The following HSPA4L variants were observed in gnomAD, a reference collection of about 807,000 sequenced individuals.
HSPA4L encodes heat shock 70 kDa protein 4L.
In HSPA4L, 48 loss-of-function variants were observed where a neutral mutation model predicts 100.3. The observed-to-expected ratio is 0.48, with a 90% CI of 0.38 to 0.61. The LOEUF is 0.61. Ranked by LOEUF, HSPA4L falls within the 20% of genes least tolerant of loss-of-function variation. The pLI, the probability that HSPA4L is intolerant of heterozygous loss-of-function variation, is 0.00. For missense variants in HSPA4L, 886 were observed against 988.6 expected (o/e 0.90, Z 1.39); for synonymous variants, 319 against 328.2 (o/e 0.97, Z 0.30).
intron 2 of HSPA4L, 129 bp downstream of exon 2, chr4:127,794,263 G>T: frequency 1.9e-6 from 1 of 522,700 alleles, no homozygotes; most frequent in Non-Finnish European, 3.3e-6. Flanking sequence ...CTACATCTTT[G>T]TTTTGTTTTG....
rs1413566150 is a variant in HSPA4L at position 127,794,143 on chromosome 4, T to C, written c.165+9T>C. The C allele has an allele frequency of 6.2e-7, 1 of 1,606,384 alleles. No individual in the cohort carries two copies. Among genetic ancestry groups the C allele is most frequent in the Admixed American group, 1.7e-5 (1 of 59,756 alleles). On this transcript the variant is annotated intron_variant, in intron 2 of 18. Transcript: ENST00000296464. ...ATGCAGCAAAGAGCCAGGTAAATTG[T>C]TAATGTGGATGTTTTGACTTACAGG...
chr4:127,793,751 T>A (rs1732939974), intron 1 of HSPA4L, among the ~76,000 whole-genome samples: 1 of 152,172 alleles, frequency 6.6e-6, no homozygotes, highest in African/African-American at 2.4e-5. Flanking sequence ...TTTTAACTGT[T>A]TACCTTCCCT....
chr4:127,783,545 T>C (rs1033571988), intron 1 of HSPA4L: 24 of 1,518,588 alleles, frequency 1.6e-5, no homozygotes, highest in Non-Finnish European at 2.1e-5. Flanking sequence ...TTCTCTGGCC[T>C]GGGAAGTTTG....
Position 127,827,371 on chromosome 4 carries a change from T to G in HSPA4L, c.2113T>G (p.Leu705Val). The G allele has an allele frequency of 6.2e-7, 1 of 1,613,674 alleles. No homozygotes were observed. The highest frequency in any genetic ancestry group is 8.5e-7 in the Non-Finnish European group (1 of 1,179,676). The change falls in exon 17 of 19, where the codon TTG becomes GTG. Residue 705 changes from leucine (L) to valine (V), a missense_variant. Leu to Val is a conservative substitution (Grantham distance 32). Coordinates refer to ENST00000296464, the MANE Select transcript of HSPA4L (RefSeq NM_014278.4). ...AGAGAGACCAAAAGCCTTAAATGACTTGGGAAAAAAGATCCAACTTGTCAT... is the reference window on the plus strand; with the variant it reads ...AGAGAGACCAAAAGCCTTAAATGACGTGGGAAAAAAGATCCAACTTGTCAT... ...HEERPKALNDLGKKIQLVMKV... is the reference protein window; with the variant it reads ...HEERPKALNDVGKKIQLVMKV...
intron 6 of HSPA4L, among the ~76,000 whole-genome samples, chr4:127,803,112 G>GTTGGTTGGTTTTTTC (rs1733240151): frequency 1.3e-5 from 2 of 151,774 alleles, no homozygotes; most frequent in Non-Finnish European, 2.9e-5. Context: ...TTGGTTTTTT[G>GTTGGTTGGTTTTTTC]GTTGTGTTTT....
chr4:127,805,044 C>T, intron 8 of HSPA4L, 29 bp from the exon 9 acceptor site: 1 of 1,492,502 alleles, frequency 6.7e-7, no homozygotes, highest in South Asian at 1.3e-5. Flanking sequence ...TAAAGACTAT[C>T]ATTTTTCTCA....
In HSPA4L at chr4:127,832,736, A is replaced by C; in HGVS notation, c.2382A>C (p.Glu794Asp). Residue 794 changes from glutamate (E) to aspartate (D), a missense_variant, in exon 19 of 19, where the codon GAA (glutamate) becomes GAC (aspartate). Transcript: ENST00000296464. The stretch of plus-strand genomic sequence containing the variant: ...TTTACAAGCCCAAACCAAAAGCAGA[A>C]GTTCCTGAAGACAAACCAAAAGCTA... ...PIIYKPKPKA[E>D]VPEDKPKANS... 1.9e-6 allele frequency: 3 copies of C among 1,613,402 alleles called. No individual in the cohort carries two copies. Among genetic ancestry groups the C allele is most frequent in the Non-Finnish European group, 2.5e-6 (3 of 1,179,618 alleles).
rs532163574 is a variant in HSPA4L at position 127,828,908 on chromosome 4, A to C, written c.2166+1484A>C. 1.0e-3 allele frequency among the ~76,000 whole-genome samples: 157 copies of C among 152,282 alleles called. 1 individual carries two copies. In the South Asian group the frequency reaches 0.019, roughly 19 times the overall value. ...ACAAGGCAAGACTTCACTTTTGCTC[A>C]AACATTTGAGTTTTTATTATGTGCT... On this transcript the variant is annotated intron_variant, in intron 17 of 18. Transcript: ENST00000296464.
Position 127,808,103 on chromosome 4 carries a change from A to G in HSPA4L, c.1352A>G (p.Glu451Gly), listed in dbSNP as rs760776765. The change falls in exon 11 of 19, where the codon GAA (glutamate) becomes GGA (glycine). Residue 451 changes from glutamate (E) to glycine (G), a missense_variant. Coordinates refer to ENST00000296464, the MANE Select transcript of HSPA4L (RefSeq NM_014278.4). ...GAAGCATTTTATACTAATTTACATG[A>G]AGTGCCTTATCCTGATGCAAGAATT... Reference protein sequence around the residue: ...ELEAFYTNLHEVPYPDARIGS... With the variant: ...ELEAFYTNLHGVPYPDARIGS... 6.2e-7 allele frequency: 1 copy of G among 1,611,362 alleles called. No individual in the cohort carries two copies. The highest frequency in any genetic ancestry group is 1.7e-5 in the Admixed American group (1 of 59,464).
chr4:127,803,955 A>C (rs1733271801), intron 7 of HSPA4L, 56 bp from the exon 8 acceptor site: 9 of 1,608,096 alleles, frequency 5.6e-6, no homozygotes, highest in Non-Finnish European at 7.7e-6. Flanking sequence ...GTTGTTTTAG[A>C]AGATACGCTC....
chr4:127,798,582 G>A lies in HSPA4L; in HGVS notation c.307-5G>A. ...CTTAATAAATATCCCAACTTTTGGT[G>A]TTAGGTGCGGTACTTAGAGGAAGAG... On this transcript the variant is annotated splice_polypyrimidine_tract_variant and splice_region_variant and intron_variant, in intron 3 of 18. Coordinates refer to ENST00000296464, the MANE Select transcript of HSPA4L (RefSeq NM_014278.4). The A allele has an allele frequency of 6.2e-7, 1 of 1,612,582 alleles. No homozygotes were observed. The highest frequency in any genetic ancestry group is 2.2e-5 in the East Asian group (1 of 44,782).
At chr4:127,800,307 GTT>G (rs973629319) in intron 4 of HSPA4L, among the ~76,000 whole-genome samples, 1 of 150,390 alleles carries the variant, frequency 6.6e-6, no homozygotes, top group Admixed American at 6.6e-5. Flanking sequence ...GTTTTGTTTT[GTT>G]TTTTTTTAAC....
At chr4:127,819,548 A>G (rs1041617995) in intron 13 of HSPA4L, among the ~76,000 whole-genome samples, 2 of 152,176 alleles carry the variant, frequency 1.3e-5, no homozygotes, top group Non-Finnish European at 2.9e-5. Context: ...TACAGTTTTT[A>G]GTATATTCAG....
In HSPA4L at chr4:127,782,401, T is replaced by G. The variant is rs925732914; in HGVS notation, c.-150T>G. 2 of 643,916 alleles carry G rather than the reference T, an allele frequency of 3.1e-6. No homozygotes were observed. Among genetic ancestry groups the G allele is most frequent in the African/African-American group, 3.7e-5 (2 of 54,632 alleles). The allele number at this position is 643,916 out of a possible 1,614,324, so 39.9% of individuals were successfully genotyped here. On this transcript the variant is annotated 5_prime_UTR_variant, in exon 1 of 19. Transcript: ENST00000296464. ...TCTGCTCCTTCCGCGGGTTTCCGACTCCCTGCCCTAGATTTTCTGCTTAGC... is the reference window on the plus strand; with the variant it reads ...TCTGCTCCTTCCGCGGGTTTCCGACGCCCTGCCCTAGATTTTCTGCTTAGC...
intron 10 of HSPA4L, 55 bp from the exon 11 acceptor site, chr4:127,807,941 G>A: frequency 7.2e-6 from 11 of 1,533,914 alleles, no homozygotes; most frequent in Non-Finnish European, 9.7e-6. Flanking sequence ...TCAGTAAATA[G>A]GTTCATAGGC....
chr4:127,831,133 T>G (rs943497300), intron 18 of HSPA4L, among the ~76,000 whole-genome samples: 4 of 152,184 alleles, frequency 2.6e-5, no homozygotes, highest in Non-Finnish European at 5.9e-5. Flanking sequence ...GTCTTTGACC[T>G]AGTTTGAAGC....
chr4:127,813,190 G>C, intron 12 of HSPA4L: 1 of 1,393,542 alleles, frequency 7.2e-7, no homozygotes, highest in South Asian at 1.2e-5. Context: ...CTTTCCCTTT[G>C]TGTTCGTCAT....
At position 127,818,322 on chromosome 4, in the gene HSPA4L, T is replaced by A. The variant is rs1352930124; in HGVS notation, c.1579-3T>A. The A allele has an allele frequency of 6.3e-7, 1 of 1,595,136 alleles. No homozygotes were observed. The highest frequency in any genetic ancestry group is 1.7e-5 in the Admixed American group (1 of 59,386). Reference sequence around the variant, plus strand: ...TATTATCAATTATGTATTTTCTTTCTAGGATAAAATGCAGGTTGATCAAGA... The same window carrying A: ...TATTATCAATTATGTATTTTCTTTCAAGGATAAAATGCAGGTTGATCAAGA... On this transcript the variant is annotated splice_polypyrimidine_tract_variant and splice_region_variant and intron_variant, in intron 12 of 18. Transcript: ENST00000296464.
chr4:127,824,609 A>G (rs1327105141), intron 16 of HSPA4L, among the ~76,000 whole-genome samples: 1 of 152,214 alleles, frequency 6.6e-6, no homozygotes, highest in African/African-American at 2.4e-5. Context: ...CATCTTGACC[A>G]TTAAAGGAGT....
Sources: gnomAD v4.1 joint callset for allele counts (sites outside exome capture counted in the v4.1 genomes callset) on GRCh38, gnomAD v4.1.1 for gene constraint, MANE v1.5 for transcripts, NCBI Gene and HGNC (gene_info 2026-07-23, HGNC 2026-07-21) for gene names.